Variants in NTRK1 observed in about 807,000 individuals in gnomAD.
The protein encoded by NTRK1 is high affinity nerve growth factor receptor.
A neutral mutation model predicts 86.8 loss-of-function variants in NTRK1; 62 were observed. That is an observed-to-expected ratio of 0.71 (90% CI 0.58 to 0.88). The LOEUF is 0.88. Ranked by LOEUF, NTRK1 falls within the 40% of genes least tolerant of loss-of-function variation. The probability of loss-of-function intolerance (pLI) is 0.00; values close to 1 mark genes in which losing one functional copy is unlikely to be tolerated. For synonymous variants in NTRK1, 469 were observed against 456.6 expected, an observed-to-expected ratio of 1.03 and a Z score of -0.35; for missense variants, 967 against 1,078.4, an observed-to-expected ratio of 0.90 and a Z score of 1.45.
intron 1 of NTRK1, among the ~76,000 whole-genome samples, chr1:156,824,477 T>C (rs911557159): frequency 6.6e-6 from 1 of 152,184 alleles, no homozygotes; most frequent in Non-Finnish European, 1.5e-5. Context: ...AATTTACTTA[T>C]GTGTTCTGAA....
intron 16 of NTRK1, among the ~76,000 whole-genome samples, chr1:156,881,222 CAAT>C: frequency 6.6e-6 from 1 of 152,318 alleles, no homozygotes; most frequent in African/African-American, 2.4e-5. Flanking sequence ...TTTCTGGAAG[CAAT>C]CCTACCCCAG....
Position 156,876,103 on chromosome 1 carries a change from G to T in NTRK1, c.1525G>T (p.Asp509Tyr), listed in dbSNP as rs1035934237. Residue 509 changes from aspartate to tyrosine, a missense_variant, in exon 13 of 17, where the codon GAC (aspartate) becomes TAC (tyrosine). This residue lies in a region of NTRK1 where 637 missense variants were observed against 776.5 expected (regional missense o/e 0.82). Coordinates refer to ENST00000524377, the MANE Select transcript of NTRK1 (RefSeq NM_002529.4). The part of the protein sequence containing the change: ...DACVHHIKRR[D>Y]IVLKWELGEG... ...AGGTGTTCACCACATCAAGCGCCGG[G>T]ACATCGTGCTCAAGTGGGAGCTGGG... is the stretch of plus-strand genomic sequence containing the variant. 6.2e-7 allele frequency: 1 copy of T among 1,614,214 alleles called. No individual in the cohort carries two copies.
chr1:156,848,828 CCT>C, intron 2 of NTRK1: 1 of 1,450,728 alleles, frequency 6.9e-7, no homozygotes, highest in Non-Finnish European at 9.3e-7. Context: ...GTCTTCATAG[CCT>C]CGCTGAGCTC....
chr1:156,874,628 TG>T lies in NTRK1; in HGVS notation c.1251+3del. 1.9e-6 allele frequency: 3 copies of T among 1,612,680 alleles called. No individual in the cohort carries two copies. The highest frequency in any genetic ancestry group is 2.5e-6 in the Non-Finnish European group (3 of 1,179,342). On this transcript the variant is annotated splice_donor_region_variant and intron_variant, in intron 10 of 16. Transcript: ENST00000524377. ...AAGAAGGACGAAACACCTTTTGGGG[TG>T]AGATAGGAAGTAGAAGCTTGTGCAG...
intron 2 of NTRK1, chr1:156,849,436 G>C (rs1655126424): frequency 6.8e-6 from 11 of 1,609,910 alleles, no homozygotes; most frequent in Non-Finnish European, 9.3e-6. Flanking sequence ...GGTTCTGGTT[G>C]TCCAGCACGT....
At chr1:156,852,105 C>A in intron 2 of NTRK1, 1 of 1,613,752 alleles carries the variant, frequency 6.2e-7, no homozygotes, top group Non-Finnish European at 8.5e-7. Flanking sequence ...GCACGAGGGT[C>A]TTCTGGCTGG....
At chr1:156,833,282 C>T (rs114550561) in intron 1 of NTRK1, among the ~76,000 whole-genome samples, 5,269 of 152,304 alleles carry the variant, frequency 0.035, 108 homozygotes, top group Middle Eastern at 0.058. Context: ...CAAGGCTGGG[C>T]GTGGTGGCTC....
At chr1:156,869,075 C>T (rs1571691061) in intron 6 of NTRK1, among the ~76,000 whole-genome samples, 1 of 139,224 alleles carries the variant, frequency 7.2e-6, no homozygotes, top group Non-Finnish European at 1.6e-5. Flanking sequence ...TTCCTTCCTT[C>T]CTTCCTTCCT....
intron 2 of NTRK1, chr1:156,853,875 G>C (rs1362939652): frequency 6.2e-7 from 1 of 1,614,120 alleles, no homozygotes; most frequent in Non-Finnish European, 8.5e-7. Flanking sequence ...TCCTCGCCCA[G>C]CTTGTTGCCC....
intron 6 of NTRK1, among the ~76,000 whole-genome samples, chr1:156,869,158 G>A (rs1250341685): frequency 2.0e-5 from 3 of 151,466 alleles, no homozygotes; most frequent in Non-Finnish European, 4.4e-5. Flanking sequence ...CGCAACCTCC[G>A]CCTCTCGGGT....
intron 2 of NTRK1, chr1:156,845,325 C>G: frequency 6.2e-7 from 1 of 1,610,112 alleles, no homozygotes. Context: ...AGCCAAGGCC[C>G]AGCCCCCAAA....
chr1:156,881,354 A>T (rs41503245), intron 16 of NTRK1, 103 bp from the exon 17 acceptor site: 1 of 1,119,348 alleles, frequency 8.9e-7, no homozygotes, highest in Non-Finnish European at 1.3e-6. Flanking sequence ...CCAGACGAGT[A>T]GTGTGAGCTG....
chr1:156,857,163 A>ATG (rs57324546), upstream of NTRK1, among the ~76,000 whole-genome samples: 19,875 of 130,226 alleles, frequency 0.15, 1,571 homozygotes, highest in Middle Eastern at 0.19. Context: ...GCAGCTGTGT[A>ATG]TGTGTGTGTG....
At chr1:156,840,429 G>GCCCCCCCC (rs369914973) in intron 1 of NTRK1, 2 of 158,432 alleles carry the variant, frequency 1.3e-5, no homozygotes, top group Non-Finnish European at 2.8e-5. Context: ...GTCATGTGGA[G>GCCCCCCCC]CCCCACCCCC....
intron 1 of NTRK1, chr1:156,841,420 C>T: frequency 6.2e-7 from 1 of 1,613,938 alleles, no homozygotes; most frequent in Non-Finnish European, 8.5e-7. Context: ...CCTCCAGCTC[C>T]TCCAGGACCC....
intron 2 of NTRK1, chr1:156,849,119 A>T: frequency 6.3e-7 from 1 of 1,596,994 alleles, no homozygotes; most frequent in Non-Finnish European, 8.5e-7. Context: ...ACCCCGCGGC[A>T]TCCCATTCCC....
chr1:156,815,864 TC>T, intron 1 of NTRK1: 1 of 1,614,130 alleles, frequency 6.2e-7, no homozygotes, highest in South Asian at 1.1e-5. Context: ...GTTCTCTCTC[TC>T]TGTGCCCCAG....
intron 3 of NTRK1, among the ~76,000 whole-genome samples, chr1:156,865,486 A>G (rs1334444339): frequency 2.6e-5 from 4 of 152,292 alleles, no homozygotes; most frequent in Admixed American, 2.6e-4. Flanking sequence ...TCAGGCGGTA[A>G]TGCTCACTCA....
chr1:156,816,134 G>T, intron 1 of NTRK1: 1 of 1,584,498 alleles, frequency 6.3e-7, no homozygotes. Context: ...TCTCAGAGAG[G>T]AACTATGTCT....
Sources: gnomAD v4.1 joint callset for allele counts (sites outside exome capture counted in the v4.1 genomes callset) on GRCh38, gnomAD v4.1.1 for gene constraint, gnomAD v4.1.1 regional missense constraint, MANE v1.5 for transcripts, NCBI Gene and HGNC (gene_info 2026-07-23, HGNC 2026-07-21) for gene names.